The following MAML3 variants were observed in gnomAD, a reference collection of about 807,000 sequenced individuals.
The protein encoded by MAML3 is mastermind like transcriptional coactivator 3.
In MAML3, 27 loss-of-function variants were observed where a neutral mutation model predicts 101.9. The ratio of observed to expected loss-of-function variants is 0.27; its 90% confidence interval spans 0.20 to 0.37. MAML3 has a LOEUF of 0.37. Among genes scored for constraint, MAML3 ranks in the 10% least tolerant of loss-of-function variants. The pLI, the probability that MAML3 is intolerant of heterozygous loss-of-function variation, is 1.00. For synonymous variants in MAML3, 501 were observed against 555.9 expected, an observed-to-expected ratio of 0.90 and a Z score of 1.39; for missense variants, 1,316 against 1,444.9, an observed-to-expected ratio of 0.91 and a Z score of 1.45.
chr4:139,795,446 G>T (rs1196577238), intron 2 of MAML3, among the ~76,000 whole-genome samples: 1 of 152,200 alleles, frequency 6.6e-6, no homozygotes, highest in African/African-American at 2.4e-5. Context: ...AGTGTTAAGG[G>T]TGAAATTAGA....
At chr4:139,784,872 A>G (rs192352694) in intron 2 of MAML3, among the ~76,000 whole-genome samples, 8 of 152,040 alleles carry the variant, frequency 5.3e-5, no homozygotes, top group Non-Finnish European at 4.4e-5. Flanking sequence ...GGTTCTCACA[A>G]GTGGGAGCTA....
At position 139,769,650 on chromosome 4, in the gene MAML3, T is replaced by C. The variant is rs62322605; in HGVS notation, c.2080-38983A>G. On this transcript the variant is annotated intron_variant, in intron 2 of 4. Coordinates refer to ENST00000509479, the MANE Select transcript of MAML3 (RefSeq NM_018717.5). The stretch of plus-strand genomic sequence containing the variant: ...TTTTTTTTTTGACGGAGTTTCACTT[T>C]AGTTGCCCAGGCTGGAGTGCAGTGG... Among the ~76,000 whole-genome samples, 461 of 152,200 alleles carry C rather than the reference T, an allele frequency of 3.0e-3. 2 individuals carry two copies. Among genetic ancestry groups the C allele is most frequent in the Non-Finnish European group, 5.3e-3 (363 of 68,018 alleles).
intron 2 of MAML3, among the ~76,000 whole-genome samples, chr4:139,741,662 G>A (rs1207416432): frequency 6.6e-6 from 1 of 152,140 alleles, no homozygotes; most frequent in Non-Finnish European, 1.5e-5. Flanking sequence ...TGGGAGGATC[G>A]CTTGAGCCTG....
chr4:139,956,659 C>A (rs2110767402), intron 1 of MAML3, among the ~76,000 whole-genome samples: 1 of 152,330 alleles, frequency 6.6e-6, no homozygotes, highest in East Asian at 1.9e-4. Flanking sequence ...GACTCCACCC[C>A]TGCACAAAGC....
At chr4:139,837,141 A>T (rs1731268890) in intron 2 of MAML3, among the ~76,000 whole-genome samples, 1 of 147,380 alleles carries the variant, frequency 6.8e-6, no homozygotes, top group Non-Finnish European at 1.5e-5. Flanking sequence ...AAAAAAAAAG[A>T]AAAGAAAAGA....
intron 1 of MAML3, among the ~76,000 whole-genome samples, chr4:139,914,721 A>G (rs1165463309): frequency 6.6e-6 from 1 of 152,234 alleles, no homozygotes; most frequent in African/African-American, 2.4e-5. Flanking sequence ...GAGAGGACAA[A>G]AATCAATTAA....
chr4:139,832,489 C>T (rs374318758), intron 2 of MAML3, among the ~76,000 whole-genome samples: 2 of 152,010 alleles, frequency 1.3e-5, no homozygotes, highest in Non-Finnish European at 2.9e-5. Context: ...ATTTACCATC[C>T]GTACCACTCA....
intron 1 of MAML3, among the ~76,000 whole-genome samples, chr4:140,062,100 C>T (rs1256987602): frequency 6.6e-6 from 1 of 152,140 alleles, no homozygotes; most frequent in Non-Finnish European, 1.5e-5. Flanking sequence ...ACTTAGGAGC[C>T]TCAGATGACG....
chr4:139,723,574 C>T (rs1286830566), intron 4 of MAML3, among the ~76,000 whole-genome samples: 6 of 152,056 alleles, frequency 3.9e-5, no homozygotes, highest in Non-Finnish European at 7.4e-5. Flanking sequence ...GGCCTCCCAA[C>T]GTGCTGGGAT....
At chr4:140,150,107 T>A (rs1016533982) in intron 1 of MAML3, among the ~76,000 whole-genome samples, 2 of 152,176 alleles carry the variant, frequency 1.3e-5, no homozygotes, top group Non-Finnish European at 2.9e-5. Flanking sequence ...CATTTATTAG[T>A]GCGTAAGTCT....
intron 2 of MAML3, among the ~76,000 whole-genome samples, chr4:139,862,894 T>C (rs1405433877): frequency 6.6e-6 from 1 of 152,164 alleles, no homozygotes; most frequent in East Asian, 1.9e-4. Context: ...CTTCTCAGGC[T>C]GTCAAAATAC....
At position 139,990,357 on chromosome 4, in the gene MAML3, A is replaced by C. The variant is rs986374451; in HGVS notation, c.469-99390T>G. 2.0e-5 allele frequency among the ~76,000 whole-genome samples: 3 copies of C among 151,984 alleles called. No homozygotes were observed. The South Asian group carries it at 6.2e-4, about 32-fold the overall frequency. ...CTTTGACAAAATTCAACAACTCTTC[A>C]TGCTAAAAACTCTCAATAAATTAGG... On this transcript the variant is annotated intron_variant, in intron 1 of 4. Coordinates refer to ENST00000509479, the MANE Select transcript of MAML3 (RefSeq NM_018717.5).
chr4:140,152,710 G>A, intron 1 of MAML3, 150 bp downstream of exon 1: 1 of 1,378,484 alleles, frequency 7.3e-7, no homozygotes, highest in Non-Finnish European at 9.5e-7. Flanking sequence ...TTTTCCCTAA[G>A]AAAAGTTGAC....
intron 2 of MAML3, among the ~76,000 whole-genome samples, chr4:139,845,418 T>A (rs1246282920): frequency 6.6e-6 from 1 of 152,220 alleles, no homozygotes; most frequent in Non-Finnish European, 1.5e-5. Context: ...GACACATAGG[T>A]AGAAATTGAA....
intron 1 of MAML3, among the ~76,000 whole-genome samples, chr4:139,974,175 G>A (rs1207420546): frequency 2.0e-5 from 3 of 149,498 alleles, no homozygotes; most frequent in Non-Finnish European, 4.4e-5. Context: ...GCGCTATCTC[G>A]GCTCACTGCA....
At chr4:139,908,908 T>C (rs949175424) in intron 1 of MAML3, among the ~76,000 whole-genome samples, 1 of 152,258 alleles carries the variant, frequency 6.6e-6, no homozygotes, top group South Asian at 2.1e-4. Flanking sequence ...TAACAGAATA[T>C]GTATACTCTA....
At chr4:139,725,912 G>T in intron 3 of MAML3, 77 bp from the exon 4 acceptor site, 1 of 1,213,786 alleles carries the variant, frequency 8.2e-7, no homozygotes, top group Non-Finnish European at 1.2e-6. Context: ...CAGCAGTTCC[G>T]AGGAAGGTAG....
intron 1 of MAML3, among the ~76,000 whole-genome samples, chr4:139,956,608 A>AG (rs1430956511): frequency 6.6e-6 from 1 of 152,218 alleles, no homozygotes; most frequent in African/African-American, 2.4e-5. Context: ...AGCCTGTCAG[A>AG]GTGGGAGAGG....
intron 1 of MAML3, among the ~76,000 whole-genome samples, chr4:139,942,008 G>T (rs1202185911): frequency 6.6e-6 from 1 of 152,042 alleles, no homozygotes; most frequent in Non-Finnish European, 1.5e-5. Flanking sequence ...GGTGGCAGGC[G>T]CCTGTGATCC....
Sources: allele counts gnomAD v4.1 joint callset (sites outside exome capture counted in the v4.1 genomes callset), GRCh38; gene constraint gnomAD v4.1.1; transcripts MANE v1.5; gene names NCBI Gene and HGNC (gene_info 2026-07-23, HGNC 2026-07-21).